Variants in EHMT1 observed in about 807,000 individuals in gnomAD.
The protein encoded by EHMT1 is histone-lysine N-methyltransferase EHMT1.
Under a neutral mutation model 147.2 loss-of-function variants are expected in EHMT1, and 15 were observed. That is an observed-to-expected ratio of 0.10 (90% CI 0.07 to 0.16). EHMT1 has a LOEUF of 0.16. Ranked by LOEUF, EHMT1 falls within the 10% of genes least tolerant of loss-of-function variation. The probability of loss-of-function intolerance (pLI) is 1.00; values close to 1 mark genes in which losing one functional copy is unlikely to be tolerated. For missense variants in EHMT1, 1,587 were observed against 1,772.4 expected (o/e 0.90, Z 1.88); for synonymous variants, 795 against 709.6 (o/e 1.12, Z -1.91).
intron 18 of EHMT1, among the ~76,000 whole-genome samples, chr9:137,807,346 C>T (rs1365167834): frequency 6.6e-6 from 1 of 152,124 alleles, no homozygotes; most frequent in Non-Finnish European, 1.5e-5. Flanking sequence ...CTCATCCGGT[C>T]TGTGTGCTTA....
intron 1 of EHMT1, among the ~76,000 whole-genome samples, chr9:137,633,080 C>T (rs948232920): frequency 6.6e-6 from 1 of 152,124 alleles, no homozygotes; most frequent in Non-Finnish European, 1.5e-5. Context: ...ACAAGGATGA[C>T]TTGTGGGACT....
At chr9:137,729,355 A>G (rs1477790879) in intron 4 of EHMT1, among the ~76,000 whole-genome samples, 2 of 152,258 alleles carry the variant, frequency 1.3e-5, no homozygotes, top group East Asian at 1.9e-4. Context: ...TTGGGAGGCC[A>G]AGGCGGGTGG....
intron 1 of EHMT1, among the ~76,000 whole-genome samples, chr9:137,663,308 G>A (rs1442553589): frequency 6.6e-6 from 1 of 152,088 alleles, no homozygotes; most frequent in Admixed American, 6.6e-5. Context: ...AGTAATGATG[G>A]GGTGATGTGG....
chr9:137,701,146 C>G (rs969959189), intron 1 of EHMT1, among the ~76,000 whole-genome samples: 67 of 151,012 alleles, frequency 4.4e-4, no homozygotes, highest in Non-Finnish European at 8.6e-4. Context: ...ATGATCCAGT[C>G]AGCTCCTACC....
intron 25 of EHMT1, chr9:137,819,968 A>G (rs1955274185): frequency 6.6e-6 from 1 of 151,978 alleles, no homozygotes; most frequent in South Asian, 2.1e-4. Flanking sequence ...TCCATTGTCT[A>G]TTTTAAAACC....
chr9:137,646,394 C>T lies in EHMT1; in HGVS notation c.21+27345C>T, dbSNP rs893479029. The T allele has an allele frequency of 2.7e-5, 27 of 985,488 alleles. No homozygotes were observed. In the East Asian group the frequency reaches 2.0e-3, roughly 74 times the overall value. 61.0% of individuals were successfully genotyped at this position (985,488 alleles called of 1,614,324 possible). On this transcript the variant is annotated intron_variant, in intron 1 of 26. Transcript: ENST00000460843. ...GCTGCGGGCAAGAATCCTGTGACCA[C>T]GGGGAGAGGACGAGGGACTCATTCT...
intron 18 of EHMT1, among the ~76,000 whole-genome samples, chr9:137,809,358 C>G (rs570236224): frequency 6.6e-6 from 1 of 152,240 alleles, no homozygotes; most frequent in African/African-American, 2.4e-5. Flanking sequence ...GCGTCCTTCT[C>G]TCTTGGGGGT....
intron 3 of EHMT1, among the ~76,000 whole-genome samples, chr9:137,721,303 TCC>T: frequency 1.3e-4 from 1 of 7,752 alleles, no homozygotes; most frequent in African/African-American, 5.8e-4. Flanking sequence ...ACTCACCCCC[TCC>T]CAGACTTCTC....
In EHMT1 at chr9:137,683,304, A is replaced by G. The variant is rs72766909; in HGVS notation, c.22-27663A>G. On this transcript the variant is annotated intron_variant, in intron 1 of 26. Transcript: ENST00000460843. Reference sequence around the variant, plus strand: ...AGCGGATCTGCTATTTGGTGCTACGATAAGGCTAAATAGCAGTGAGAATTT... The same window carrying G: ...AGCGGATCTGCTATTTGGTGCTACGGTAAGGCTAAATAGCAGTGAGAATTT... 7.5e-3 allele frequency among the ~76,000 whole-genome samples: 1,145 copies of G among 152,358 alleles called. 17 individuals carry two copies. The highest frequency in any genetic ancestry group is 0.01 in the Middle Eastern group (3 of 294).
At chr9:137,667,942 C>G (rs1197545946) in intron 1 of EHMT1, among the ~76,000 whole-genome samples, 3 of 152,040 alleles carry the variant, frequency 2.0e-5, no homozygotes, top group Non-Finnish European at 4.4e-5. Context: ...GGTAAATTAC[C>G]TTTTAGAATT....
In EHMT1 at chr9:137,828,726, G is replaced by A. The variant is rs146687876; in HGVS notation, c.3541-5623G>A. ...ACTGCACTAGAGCATCTCTAAGGCC[G>A]GTGGTTCTGGACAGAAAAACCACAA... On this transcript the variant is annotated intron_variant, in intron 25 of 26. Transcript: ENST00000460843. The surrounding 1 kb of genome is among the most constrained non-coding windows in gnomAD (Gnocchi z 5.3). Among the ~76,000 whole-genome samples, 30 of 152,264 alleles carry A rather than the reference G, an allele frequency of 2.0e-4. No individual in the cohort carries two copies. The highest frequency in any genetic ancestry group is 6.7e-4 in the African/African-American group (28 of 41,544).
intron 17 of EHMT1, among the ~76,000 whole-genome samples, chr9:137,799,657 C>T (rs935229467): frequency 2.7e-4 from 41 of 152,334 alleles, no homozygotes; most frequent in African/African-American, 8.9e-4. Flanking sequence ...TCCTCACGCT[C>T]GCTCTCACTC....
chr9:137,800,802 C>G, intron 17 of EHMT1, 78 bp from the exon 18 acceptor site: 10 of 1,314,532 alleles, frequency 7.6e-6, no homozygotes, highest in Non-Finnish European at 9.8e-6. Flanking sequence ...GGTGCAGAGA[C>G]CTCGGCGTGG....
intron 1 of EHMT1, among the ~76,000 whole-genome samples, chr9:137,646,924 C>A (rs1844932395): frequency 6.6e-6 from 1 of 152,168 alleles, no homozygotes; most frequent in Non-Finnish European, 1.5e-5. Flanking sequence ...GCTTTGGTCT[C>A]CACTACTCCT....
intron 3 of EHMT1, among the ~76,000 whole-genome samples, chr9:137,724,416 T>C (rs952037607): frequency 1.4e-4 from 22 of 152,242 alleles, no homozygotes; most frequent in Non-Finnish European, 3.1e-4. Flanking sequence ...CCTCCATGGC[T>C]AGGTCTTTCC....
intron 4 of EHMT1, among the ~76,000 whole-genome samples, chr9:137,736,353 CAT>C (rs1947528915): frequency 6.6e-6 from 1 of 152,186 alleles, no homozygotes; most frequent in Non-Finnish European, 1.5e-5. Flanking sequence ...TGAAGGGAGA[CAT>C]AGACAATTCT....
At chr9:137,672,052 T>C (rs1276485057) in intron 1 of EHMT1, among the ~76,000 whole-genome samples, 1 of 152,220 alleles carries the variant, frequency 6.6e-6, no homozygotes, top group African/African-American at 2.4e-5. Context: ...TCCGGCTACA[T>C]ACAGATGTGA....
At chr9:137,808,851 A>AG (rs1305041621) in intron 18 of EHMT1, among the ~76,000 whole-genome samples, 11 of 152,178 alleles carry the variant, frequency 7.2e-5, no homozygotes, top group Non-Finnish European at 1.5e-4. Flanking sequence ...TGAACCCCAG[A>AG]GGCAGAGGTT....
At chr9:137,790,019 C>T (rs749637854) in intron 15 of EHMT1, among the ~76,000 whole-genome samples, 16 of 152,340 alleles carry the variant, frequency 1.1e-4, no homozygotes, top group Non-Finnish European at 1.9e-4. Flanking sequence ...CGTGAGCTGC[C>T]GTGCCCGGCC....
Sources: gnomAD v4.1 joint callset for allele counts (sites outside exome capture counted in the v4.1 genomes callset) on GRCh38, gnomAD v4.1.1 for gene constraint, Gnocchi (gnomAD v3.1) non-coding constraint, MANE v1.5 for transcripts, NCBI Gene and HGNC (gene_info 2026-07-23, HGNC 2026-07-21) for gene names.